The following GALNT13 variants were observed in gnomAD, a reference collection of about 807,000 sequenced individuals.
GALNT13 encodes the protein polypeptide N-acetylgalactosaminyltransferase 13.
In GALNT13, 28 loss-of-function variants were observed where a neutral mutation model predicts 64.2. The ratio of observed to expected loss-of-function variants is 0.44; its 90% CI spans 0.32 to 0.60. The LOEUF (loss-of-function observed/expected upper bound fraction) is 0.60. Ranked by LOEUF, GALNT13 falls within the 20% of genes least tolerant of loss-of-function variation. The pLI, the probability that GALNT13 is intolerant of heterozygous loss-of-function variation, is 0.05. For synonymous variants in GALNT13, 214 were observed against 224.6 expected (o/e 0.95, Z 0.42); for missense variants, 577 against 669.8 (o/e 0.86, Z 1.53).
chr2:153,521,198 A>G, the GALNT13 span, among the ~76,000 whole-genome samples: 1 of 152,068 alleles, frequency 6.6e-6, no homozygotes, highest in Non-Finnish European at 1.5e-5. Context: ...ACATTCTTTT[A>G]ACTCATTCTA....
chr2:154,417,521 A>ATTTATTTATTT (rs1553529811), intron 11 of GALNT13, among the ~76,000 whole-genome samples: 1 of 139,052 alleles, frequency 7.2e-6, no homozygotes, highest in Non-Finnish European at 1.5e-5. Context: ...TTATTTATTT[A>ATTTATTTATTT]TTTTTTTGAG....
chr2:154,185,379 G>A (rs1238768315), intron 4 of GALNT13, among the ~76,000 whole-genome samples: 1 of 151,890 alleles, frequency 6.6e-6, no homozygotes, highest in East Asian at 1.9e-4. Context: ...CAACCTAGAT[G>A]TTCATTTCCC....
At chr2:154,236,773 CAAAT>C (rs1689214989) in intron 4 of GALNT13, among the ~76,000 whole-genome samples, 1 of 151,890 alleles carries the variant, frequency 6.6e-6, no homozygotes, top group Non-Finnish European at 1.5e-5. Context: ...TAAAAGAAAA[CAAAT>C]AATAACTTCA....
intron 8 of GALNT13, among the ~76,000 whole-genome samples, chr2:154,299,698 C>G (rs367837178): frequency 2.6e-4 from 39 of 151,560 alleles, no homozygotes; most frequent in African/African-American, 8.2e-4. Context: ...CTCTTGACCT[C>G]GTGATCCGCC....
intron 9 of GALNT13, among the ~76,000 whole-genome samples, chr2:154,351,243 A>G (rs1157803317): frequency 6.6e-6 from 1 of 152,198 alleles, no homozygotes; most frequent in Non-Finnish European, 1.5e-5. Context: ...GGTGTCATAA[A>G]GCTTGATTTT....
At chr2:153,541,322 C>T in the GALNT13 span, among the ~76,000 whole-genome samples, 3 of 152,254 alleles carry the variant, frequency 2.0e-5, no homozygotes, top group Admixed American at 6.5e-5. Context: ...TGAGGCTTCC[C>T]TAATCCTGCT....
At chr2:153,634,675 C>G in the GALNT13 span, among the ~76,000 whole-genome samples, 1 of 151,210 alleles carries the variant, frequency 6.6e-6, no homozygotes, top group Non-Finnish European at 1.5e-5. Context: ...CTCAGCCTCC[C>G]GAGTAGCTGG....
the GALNT13 span, among the ~76,000 whole-genome samples, chr2:153,647,409 G>A: frequency 7.9e-5 from 12 of 152,236 alleles, no homozygotes; most frequent in East Asian, 2.1e-3. Context: ...CTCCCATTCT[G>A]TAGGTTGTCT....
chr2:153,620,889 T>C, the GALNT13 span, among the ~76,000 whole-genome samples: 3 of 152,154 alleles, frequency 2.0e-5, no homozygotes, highest in African/African-American at 7.2e-5. Flanking sequence ...TGGGCTTATT[T>C]GTAGCCATCT....
In GALNT13 at chr2:154,140,325, T is replaced by C. The variant is rs755210179; in HGVS notation, c.143-12T>C. On this transcript the variant is annotated splice_polypyrimidine_tract_variant and intron_variant, in intron 3 of 12. Coordinates refer to ENST00000392825, the MANE Select transcript of GALNT13 (RefSeq NM_052917.4). The stretch of plus-strand genomic sequence containing the variant: ...GTTTGTATGTATGTCTGTATCTCTG[T>C]ATGTCTTACAGCTGTTATTTCAAGA... The C allele has an allele frequency of 1.2e-5, 19 of 1,605,398 alleles. 1 individual carries two copies. The highest frequency in any genetic ancestry group is 1.6e-5 in the Non-Finnish European group (19 of 1,172,964).
the GALNT13 span, among the ~76,000 whole-genome samples, chr2:153,276,973 A>G: frequency 9.2e-5 from 14 of 152,310 alleles, no homozygotes; most frequent in South Asian, 2.1e-4. Flanking sequence ...TTTTCCAGAC[A>G]TGAATGTTCT....
chr2:154,142,142 A>T (rs1476093832), intron 4 of GALNT13, among the ~76,000 whole-genome samples: 1 of 152,206 alleles, frequency 6.6e-6, no homozygotes, highest in African/African-American at 2.4e-5. Flanking sequence ...ATAGAACATA[A>T]TTAATGCAAA....
At chr2:154,420,909 C>G (rs2105423280) in intron 11 of GALNT13, among the ~76,000 whole-genome samples, 1 of 152,166 alleles carries the variant, frequency 6.6e-6, no homozygotes, top group African/African-American at 2.4e-5. Context: ...CTTTGCTGTA[C>G]CTGTGATTGT....
At chr2:153,747,306 C>T in the GALNT13 span, among the ~76,000 whole-genome samples, 1 of 151,734 alleles carries the variant, frequency 6.6e-6, no homozygotes, top group Non-Finnish European at 1.5e-5. Flanking sequence ...CATATTCATT[C>T]CTTTTATTTT....
chr2:153,704,199 C>A, the GALNT13 span, among the ~76,000 whole-genome samples: 425 of 152,140 alleles, frequency 2.8e-3, 3 homozygotes, highest in African/African-American at 9.7e-3. Flanking sequence ...CATTAAAAAC[C>A]AAACATCACT....
chr2:154,025,250 C>T (rs1697866939), intron 3 of GALNT13, among the ~76,000 whole-genome samples: 1 of 152,194 alleles, frequency 6.6e-6, no homozygotes, highest in African/African-American at 2.4e-5. Flanking sequence ...CACCCGTCTT[C>T]TGCGTCACTC....
chr2:154,249,874 A>G (rs572266631), intron 7 of GALNT13, among the ~76,000 whole-genome samples: 17 of 152,182 alleles, frequency 1.1e-4, no homozygotes, highest in East Asian at 9.6e-4. Context: ...TTTTCACTCA[A>G]TTAGAATTAG....
At chr2:153,820,902 TAAA>T in the GALNT13 span, among the ~76,000 whole-genome samples, 1 of 152,042 alleles carries the variant, frequency 6.6e-6, no homozygotes, top group Non-Finnish European at 1.5e-5. Flanking sequence ...ACATCCCACT[TAAA>T]ATGCACAAAG....
the GALNT13 span, among the ~76,000 whole-genome samples, chr2:153,371,542 A>G: frequency 6.6e-6 from 1 of 152,218 alleles, no homozygotes; most frequent in Non-Finnish European, 1.5e-5. Context: ...AATTATAAAA[A>G]CAGTGCCATT....
Sources: gnomAD v4.1 joint callset for allele counts (sites outside exome capture counted in the v4.1 genomes callset) on GRCh38, gnomAD v4.1.1 for gene constraint, MANE v1.5 for transcripts, NCBI Gene and HGNC (gene_info 2026-07-23, HGNC 2026-07-21) for gene names.